Variants in CLCN5 observed in about 807,000 individuals in gnomAD.
CLCN5 encodes the protein Cl-/H+ antiporter 5.
A neutral mutation model predicts 54.0 loss-of-function variants in CLCN5; 17 were observed. The ratio of observed to expected loss-of-function variants is 0.31; its 90% confidence interval spans 0.22 to 0.47. The LOEUF is 0.47. Among genes scored for constraint, CLCN5 ranks in the 20% least tolerant of loss-of-function variants. The pLI, the probability that CLCN5 is intolerant of heterozygous loss-of-function variation, is 1.00. For synonymous variants in CLCN5, 222 were observed against 233.0 expected (o/e 0.95, Z 0.43); for missense variants, 448 against 646.7 (o/e 0.69, Z 3.33).
intron 4 of CLCN5, among the ~76,000 whole-genome samples, chrX:50,057,414 A>G (rs1294894826): frequency 2.8e-5 from 2 of 72,398 alleles, no homozygotes; most frequent in African/African-American, 1.1e-4. Context: ...CTGGATAGAT[A>G]CTATCCAGGA....
At chrX:50,082,323 T>C (rs1933732474) in intron 9 of CLCN5, among the ~76,000 whole-genome samples, 1 of 109,724 alleles carries the variant, frequency 9.1e-6, no homozygotes, top group African/African-American at 3.3e-5. Context: ...TTACTTTTTT[T>C]TTTTTTTGAG....
At chrX:49,929,836 A>G (rs999964865) in intron 3 of CLCN5, among the ~76,000 whole-genome samples, 1 of 106,619 alleles carries the variant, frequency 9.4e-6, no homozygotes, top group Non-Finnish European at 1.9e-5. Flanking sequence ...ATGGAAGACT[A>G]TATATATAAT....
chrX:49,970,553 T>A (rs1928156719), intron 3 of CLCN5, among the ~76,000 whole-genome samples: 1 of 111,785 alleles, frequency 8.9e-6, no homozygotes, highest in African/African-American at 3.2e-5. Context: ...AAAGTTCATC[T>A]ATGTTGTAGC....
intron 3 of CLCN5, among the ~76,000 whole-genome samples, chrX:49,996,091 C>A (rs1010975672): frequency 3.2e-4 from 36 of 112,294 alleles, no homozygotes; most frequent in Non-Finnish European, 5.8e-4. Context: ...CTGACATAAT[C>A]ATGCCCAAGC....
At position 50,009,781 on chromosome X, in the gene CLCN5, G is replaced by A. The variant is rs112489955; in HGVS notation, c.17-32535G>A. On this transcript the variant is annotated intron_variant, in intron 3 of 14. Transcript: ENST00000376091. ...AGTGCTTTCTGAATGCAATGCACCCGGGCAAGGATTCTGAGAGGGTGAGCC... is the reference window on the plus strand; with the variant it reads ...AGTGCTTTCTGAATGCAATGCACCCAGGCAAGGATTCTGAGAGGGTGAGCC... 1,990 of 384,387 alleles carry A rather than the reference G, an allele frequency of 5.2e-3. 26 individuals are homozygous for A. Among genetic ancestry groups the A allele is most frequent in the African/African-American group, 0.045 (1,753 of 38,914 alleles). 31.7% of individuals were successfully genotyped at this position (384,387 alleles called of 1,213,427 possible). A position where few individuals can be genotyped will look rare whatever the true frequency, so the allele number is the denominator to read the frequency against.
At chrX:50,078,460 C>G (rs1448521408) in intron 7 of CLCN5, among the ~76,000 whole-genome samples, 4 of 112,304 alleles carry the variant, frequency 3.6e-5, no homozygotes, top group Non-Finnish European at 7.5e-5. Flanking sequence ...AATGTAGTAC[C>G]ATAGCAAAAC....
chrX:50,030,550 G>A (rs1931648635), intron 3 of CLCN5, among the ~76,000 whole-genome samples: 1 of 111,518 alleles, frequency 9.0e-6, no homozygotes, highest in South Asian at 3.8e-4. Context: ...TCCTTTTAAA[G>A]CTTTTCTTGT....
At chrX:50,019,468 CT>C (rs1175073117) in intron 3 of CLCN5, among the ~76,000 whole-genome samples, 7,568 of 47,542 alleles carry the variant, frequency 0.16, 326 homozygotes, top group African/African-American at 0.24. Flanking sequence ...TTTTTTTTTT[CT>C]TTTTTTTTTT....
chrX:49,926,907 T>TAGAG (rs113469721), intron 3 of CLCN5, among the ~76,000 whole-genome samples: 14,704 of 110,601 alleles, frequency 0.13, 2,435 homozygotes, highest in African/African-American at 0.47. Flanking sequence ...GCAGTAAGGT[T>TAGAG]AGAATGGGAT....
chrX:50,006,028 T>C (rs1369097719), intron 3 of CLCN5, among the ~76,000 whole-genome samples: 1 of 112,347 alleles, frequency 8.9e-6, no homozygotes, highest in East Asian at 2.8e-4. Context: ...GTTTTCTGTG[T>C]CTTTGCTTCA....
intron 12 of CLCN5, 95 bp downstream of exon 12, chrX:50,088,979 C>A (rs1283645625): frequency 3.6e-6 from 3 of 828,502 alleles, no homozygotes; most frequent in Non-Finnish European, 3.6e-6. Flanking sequence ...AATTTAAATG[C>A]CCATCCCTTT....
In CLCN5 at chrX:49,948,582, T is replaced by C. The variant is rs149113295; in HGVS notation, c.16+23268T>C. On this transcript the variant is annotated intron_variant, in intron 3 of 14. Transcript: ENST00000376091. Reference sequence around the variant, plus strand: ...TTTGCAGCTGATAACCTCTCATTAGTACTCCTTCCCAATTTGCTTATATGC... The same window carrying C: ...TTTGCAGCTGATAACCTCTCATTAGCACTCCTTCCCAATTTGCTTATATGC... 1.9e-3 allele frequency among the ~76,000 whole-genome samples: 209 copies of C among 112,158 alleles called. 1 individual carries two copies. The highest frequency in any genetic ancestry group is 4.9e-3 in the African/African-American group (151 of 30,863).
At chrX:50,074,748 T>G (rs192848477) in intron 6 of CLCN5, among the ~76,000 whole-genome samples, 7 of 112,255 alleles carry the variant, frequency 6.2e-5, no homozygotes, top group South Asian at 3.7e-4. Context: ...TTCTTTCCCT[T>G]GTACACACAG....
intron 3 of CLCN5, among the ~76,000 whole-genome samples, chrX:50,000,628 G>T (rs1252837178): frequency 1.8e-5 from 2 of 111,782 alleles, no homozygotes; most frequent in Non-Finnish European, 3.8e-5. Context: ...CCACTGTCTT[G>T]GTAGTCAGAT....
chrX:50,002,681 CTGTGTGTGTGTG>C (rs60257335), intron 3 of CLCN5, among the ~76,000 whole-genome samples: 26 of 94,774 alleles, frequency 2.7e-4, no homozygotes, highest in Middle Eastern at 5.4e-3. Context: ...CTCTCTCTCT[CTGTGTGTGTGTG>C]TGTGTGTGTG....
At chrX:50,059,917 C>T (rs782029462) in intron 4 of CLCN5, among the ~76,000 whole-genome samples, 58 of 105,756 alleles carry the variant, frequency 5.5e-4, no homozygotes, top group African/African-American at 2.0e-3. Flanking sequence ...TTTGCTAAAT[C>T]GACTGCTAAA....
intron 4 of CLCN5, among the ~76,000 whole-genome samples, chrX:50,048,854 G>C (rs1300936665): frequency 4.5e-5 from 5 of 111,280 alleles, no homozygotes; most frequent in African/African-American, 1.6e-4. Context: ...GTTGCTTCTA[G>C]GCCCTGTTAG....
intron 3 of CLCN5, among the ~76,000 whole-genome samples, chrX:49,970,964 T>C (rs1257945752): frequency 9.0e-6 from 1 of 111,029 alleles, no homozygotes; most frequent in Non-Finnish European, 1.9e-5. Context: ...GATTTAGGTC[T>C]TTAATTTCTT....
At chrX:50,080,568 C>G in intron 7 of CLCN5, 26 bp from the exon 8 acceptor site, 1 of 1,172,271 alleles carries the variant, frequency 8.5e-7, no homozygotes. Flanking sequence ...TAGGCTAAAA[C>G]AAGCTTCTTT....
Sources: gnomAD v4.1 joint callset for allele counts (sites outside exome capture counted in the v4.1 genomes callset) on GRCh38, gnomAD v4.1.1 for gene constraint, MANE v1.5 for transcripts, NCBI Gene and HGNC (gene_info 2026-07-23, HGNC 2026-07-21) for gene names.